Variants in ARHGEF10 observed in about 807,000 individuals in gnomAD.
ARHGEF10 encodes Rho guanine nucleotide exchange factor (GEF) 10.
ARHGEF10 carries 140 observed loss-of-function variants against 147.4 expected under a neutral mutation model. That is an observed-to-expected ratio of 0.95 (90% confidence interval 0.83 to 1.09). The LOEUF is 1.09. Ranked by LOEUF, ARHGEF10 falls within the 50% of genes least tolerant of loss-of-function variation. ARHGEF10 has a pLI of 0.00. For missense variants in ARHGEF10, 2,222 were observed against 1,752.7 expected, an observed-to-expected ratio of 1.27 and a Z score of -4.78; for synonymous variants, 902 against 695.8, an observed-to-expected ratio of 1.30 and a Z score of -4.67.
chr8:1,887,716 GTGAGAAGA>G (rs1808803363), intron 11 of ARHGEF10, among the ~76,000 whole-genome samples: 1 of 149,130 alleles, frequency 6.7e-6, no homozygotes, highest in East Asian at 2.0e-4. Flanking sequence ...ATGAGGGTTT[GTGAGAAGA>G]CGCTAGATGG....
intron 18 of ARHGEF10, among the ~76,000 whole-genome samples, chr8:1,915,916 T>C (rs1352015502): frequency 6.6e-6 from 1 of 152,244 alleles, no homozygotes; most frequent in Non-Finnish European, 1.5e-5. Context: ...TCCCTGGAGC[T>C]ATGACTGTCA....
At chr8:1,925,182 C>T in intron 21 of ARHGEF10, 101 bp from the exon 22 acceptor site, 1 of 1,470,230 alleles carries the variant, frequency 6.8e-7, no homozygotes. Context: ...CCTGTACAAA[C>T]AGAATGCCAG....
chr8:1,849,363 C>T (rs761835895), intron 2 of ARHGEF10, among the ~76,000 whole-genome samples: 29 of 149,786 alleles, frequency 1.9e-4, no homozygotes, highest in East Asian at 8.0e-4. Flanking sequence ...GGGCATGGGG[C>T]GGCCACGTGG....
rs1784489870 is a variant in ARHGEF10, at chr8:1,948,127, C to G, written c.3397+2472C>G. Among the ~76,000 whole-genome samples, 1 of 152,086 alleles carries G rather than the reference C, an allele frequency of 6.6e-6. No homozygotes were observed. The highest frequency in any genetic ancestry group is 2.4e-5 in the African/African-American group (1 of 41,422). ...CAGGCGGCCGATGATGGATCCATCCCAAGCCCACCACAAGCCTCTCACTTG... is the reference window on the plus strand; with the variant it reads ...CAGGCGGCCGATGATGGATCCATCCGAAGCCCACCACAAGCCTCTCACTTG... On this transcript the variant is annotated intron_variant, in intron 27 of 28. Coordinates refer to ENST00000349830, the MANE Select transcript of ARHGEF10 (RefSeq NM_014629.4). The surrounding 1 kb of genome is among the most constrained non-coding windows in gnomAD (Gnocchi z 4.9).
At chr8:1,862,841 G>T (rs1210529074) in intron 4 of ARHGEF10, among the ~76,000 whole-genome samples, 2 of 149,460 alleles carry the variant, frequency 1.3e-5, no homozygotes, top group African/African-American at 4.9e-5. Context: ...TACAGTGGCG[G>T]GATCTCGGCT....
At chr8:1,844,241 GC>G (rs1189897366) in intron 2 of ARHGEF10, among the ~76,000 whole-genome samples, 1 of 152,132 alleles carries the variant, frequency 6.6e-6, no homozygotes, top group Non-Finnish European at 1.5e-5. Context: ...GGTCGTCTGT[GC>G]CCCCCAACTA....
chr8:1,924,223 G>A (rs1306360667), intron 21 of ARHGEF10, among the ~76,000 whole-genome samples: 16 of 152,100 alleles, frequency 1.1e-4, no homozygotes, highest in Non-Finnish European at 1.5e-5. Flanking sequence ...ATGGCAGGGG[G>A]GTCATTGTTC....
At chr8:1,835,480 C>T (rs1306642765) in intron 1 of ARHGEF10, among the ~76,000 whole-genome samples, 3 of 152,190 alleles carry the variant, frequency 2.0e-5, no homozygotes, top group Non-Finnish European at 4.4e-5. Flanking sequence ...AGCTGTTTCC[C>T]AGGTAGAGGC....
In ARHGEF10 at chr8:1,848,913, T is replaced by G. The variant is rs140879009; in HGVS notation, c.37+5477T>G. 5.2e-3 allele frequency among the ~76,000 whole-genome samples: 796 copies of G among 152,312 alleles called. 13 individuals carry two copies. Among genetic ancestry groups the G allele is most frequent in the African/African-American group, 0.018 (743 of 41,560 alleles). On this transcript the variant is annotated intron_variant, in intron 2 of 28. Transcript: ENST00000349830. ...AGCACTTGTTTTTATATGTATAGTT[T>G]ATTTAAAGTGAGAGATTAAGTTTTT... is the stretch of plus-strand genomic sequence containing the variant.
At chr8:1,901,453 G>C (rs180764229) in intron 15 of ARHGEF10, among the ~76,000 whole-genome samples, 29 of 152,294 alleles carry the variant, frequency 1.9e-4, no homozygotes, top group Admixed American at 1.0e-3. Flanking sequence ...GGCTATGCTG[G>C]TACTGTCAGT....
At chr8:1,892,900 G>A (rs928819048) in intron 11 of ARHGEF10, among the ~76,000 whole-genome samples, 2 of 152,168 alleles carry the variant, frequency 1.3e-5, no homozygotes, top group South Asian at 2.1e-4. Flanking sequence ...GGCCTTTCAC[G>A]GGATCTTACA....
chr8:1,889,980 C>A (rs1429545936), intron 11 of ARHGEF10, among the ~76,000 whole-genome samples: 2 of 141,506 alleles, frequency 1.4e-5, no homozygotes, highest in Admixed American at 1.4e-4. Flanking sequence ...TGAGGAGACA[C>A]TGAGTGATGT....
chr8:1,925,442 C>A (rs755508794), intron 22 of ARHGEF10, 38 bp downstream of exon 22: 20 of 1,611,960 alleles, frequency 1.2e-5, no homozygotes, highest in Non-Finnish European at 1.7e-5. Context: ...GGGTGGGACG[C>A]ACCTCGCAGC....
chr8:1,843,678 C>T (rs1388965220), intron 2 of ARHGEF10, among the ~76,000 whole-genome samples: 1 of 152,210 alleles, frequency 6.6e-6, no homozygotes, highest in Non-Finnish European at 1.5e-5. Flanking sequence ...TCTTGGGGAC[C>T]TATGGTCAGC....
intron 17 of ARHGEF10, among the ~76,000 whole-genome samples, chr8:1,906,788 G>A (rs749820543): frequency 6.6e-6 from 1 of 152,212 alleles, no homozygotes. Flanking sequence ...AGGCGAGAAC[G>A]TTCATTAAGC....
chr8:1,925,200 C>A, intron 21 of ARHGEF10, 83 bp from the exon 22 acceptor site: 1 of 1,573,046 alleles, frequency 6.4e-7, no homozygotes, highest in African/African-American at 1.4e-5. Context: ...CAGAAACTTC[C>A]CCTGCTATGA....
chr8:1,881,773 C>T lies in ARHGEF10; in HGVS notation c.961-862C>T, dbSNP rs3824138. Among the ~76,000 whole-genome samples the T allele has an allele frequency of 2.6e-3, 396 of 152,320 alleles. 8 individuals are homozygous for T. In the East Asian group the frequency reaches 0.064, roughly 25 times the overall value. On this transcript the variant is annotated intron_variant, in intron 9 of 28. Coordinates refer to ENST00000349830, the MANE Select transcript of ARHGEF10 (RefSeq NM_014629.4). ...GTGCCCAGCAGCCCTGCTCCTCACG[C>T]GGTGGTGTGACCCAGATGAGGAGAG...
intron 2 of ARHGEF10, among the ~76,000 whole-genome samples, chr8:1,846,209 C>T (rs13260650): frequency 0.45 from 67,788 of 152,196 alleles, 16,568 homozygotes; most frequent in Non-Finnish European, 0.56. Flanking sequence ...GGGAGCGAGG[C>T]CCCTGCCCTT....
At chr8:1,835,416 C>T (rs1480200546) in intron 1 of ARHGEF10, among the ~76,000 whole-genome samples, 1 of 152,104 alleles carries the variant, frequency 6.6e-6, no homozygotes, top group Non-Finnish European at 1.5e-5. Context: ...AAGTGCTGGG[C>T]TGGGGCAGAT....
Sources: allele counts gnomAD v4.1 joint callset (sites outside exome capture counted in the v4.1 genomes callset), GRCh38; gene constraint gnomAD v4.1.1; non-coding constraint Gnocchi (gnomAD v3.1); transcripts MANE v1.5; gene names NCBI Gene and HGNC (gene_info 2026-07-23, HGNC 2026-07-21).